Variants in DTNA observed in about 807,000 individuals in gnomAD.
The protein encoded by DTNA is dystrobrevin alpha, also known as dystrophin-related protein 3.
DTNA carries 43 observed loss-of-function variants against 100.7 expected under a neutral mutation model. The ratio of observed to expected loss-of-function variants is 0.43; its 90% CI spans 0.33 to 0.55. The LOEUF is 0.55. Ranked by LOEUF, DTNA falls within the 20% of genes least tolerant of loss-of-function variation. The pLI, the probability that DTNA is intolerant of heterozygous loss-of-function variation, is 0.04. For synonymous variants in DTNA, 349 were observed against 347.9 expected (o/e 1.00, Z -0.04); for missense variants, 798 against 953.9 (o/e 0.84, Z 2.15).
rs6146260 is a variant in DTNA, at chr18:34,761,126, TCACACACACACACA to T, written c.68-4804_68-4791del. On this transcript the variant is annotated intron_variant, in intron 2 of 22. Transcript: ENST00000444659. Reference sequence around the variant, plus strand: ...GTATCTCTCTCTCTCCCTCCATCCTTCACACACACACACACACACACACACACACACACACACAC... The same window carrying T: ...GTATCTCTCTCTCTCCCTCCATCCTTCACACACACACACACACACACACAC... Among the ~76,000 whole-genome samples, 238 of 149,300 alleles carry T rather than the reference TCACACACACACACA, an allele frequency of 1.6e-3. 1 individual carries two copies. The highest frequency in any genetic ancestry group is 5.4e-3 in the African/African-American group (215 of 40,036).
intron 1 of DTNA, among the ~76,000 whole-genome samples, chr18:34,720,130 G>T (rs1170367477): frequency 6.6e-6 from 1 of 152,186 alleles, no homozygotes; most frequent in African/African-American, 2.4e-5. Flanking sequence ...GCATAGTCAT[G>T]AGGGGGTGGA....
At chr18:34,848,093 C>T (rs2096412054) in intron 13 of DTNA, among the ~76,000 whole-genome samples, 1 of 152,164 alleles carries the variant, frequency 6.6e-6, no homozygotes, top group Non-Finnish European at 1.5e-5. Context: ...TGACTGAAGA[C>T]AGGATTTATT....
intron 1 of DTNA, among the ~76,000 whole-genome samples, chr18:34,742,521 T>A (rs914362884): frequency 5.3e-5 from 8 of 151,840 alleles, no homozygotes; most frequent in South Asian, 4.2e-4. Flanking sequence ...CTCAGGTTAA[T>A]CTCTCCATTT....
chr18:34,630,891 T>A (rs187870774), intron 1 of DTNA, among the ~76,000 whole-genome samples: 71 of 152,120 alleles, frequency 4.7e-4, no homozygotes, highest in Admixed American at 6.5e-4. Context: ...ATCATCAGCA[T>A]ATAAATGTTA....
chr18:34,493,639 C>G (rs952347126), intron 1 of DTNA: 2 of 146,018 alleles, frequency 1.4e-5, no homozygotes, highest in African/African-American at 2.5e-5. Flanking sequence ...CCCGGCCGCC[C>G]GGTGCAGAGG....
At chr18:34,681,924 G>C (rs997261640) in intron 1 of DTNA, among the ~76,000 whole-genome samples, 3 of 152,062 alleles carry the variant, frequency 2.0e-5, no homozygotes, top group African/African-American at 7.2e-5. Context: ...ATACAGAATA[G>C]TTTCACTGCC....
intron 1 of DTNA, among the ~76,000 whole-genome samples, chr18:34,733,619 C>T (rs1230050285): frequency 6.6e-6 from 1 of 152,152 alleles, no homozygotes; most frequent in East Asian, 1.9e-4. Context: ...CAGAGAAGAG[C>T]AATTACAGAG....
chr18:34,816,064 GGCCATTA>G (rs762014355), intron 7 of DTNA, 50 bp downstream of exon 7: 84 of 1,551,766 alleles, frequency 5.4e-5, no homozygotes, highest in Non-Finnish European at 6.9e-5. Flanking sequence ...ATTGAAATTA[GGCCATTA>G]GTTCTACAGT....
At chr18:34,524,303 G>A (rs1224676469) in intron 1 of DTNA, among the ~76,000 whole-genome samples, 1 of 152,064 alleles carries the variant, frequency 6.6e-6, no homozygotes, top group Non-Finnish European at 1.5e-5. Context: ...GTACTACTTC[G>A]CATGTGATTA....
intron 17 of DTNA, 34 bp from the exon 18 acceptor site, chr18:34,875,205 G>A: frequency 6.2e-7 from 1 of 1,609,664 alleles, no homozygotes; most frequent in East Asian, 2.2e-5. Flanking sequence ...ATTTTCTTGG[G>A]AAAGCAAATT....
chr18:34,745,157 A>G (rs2091359406), intron 1 of DTNA, among the ~76,000 whole-genome samples: 1 of 152,096 alleles, frequency 6.6e-6, no homozygotes, highest in Admixed American at 6.5e-5. Flanking sequence ...TTCTTCTCCC[A>G]GAAGTCTGAT....
At chr18:34,844,536 G>A (rs1197185944) in intron 13 of DTNA, among the ~76,000 whole-genome samples, 2 of 109,710 alleles carry the variant, frequency 1.8e-5, no homozygotes, top group African/African-American at 3.8e-5. Context: ...ATCTAATAAA[G>A]CAATCTTCCA....
rs1029561422 is a variant in DTNA at position 34,794,082 on chromosome 18, A to T, written c.194A>T (p.Asn65Ile). ...AATGTCATAGAAGCATTGCGGGAAAATGCTCTGAACAACCTGGACCCAAAC... is the reference window on the plus strand; with the variant it reads ...AATGTCATAGAAGCATTGCGGGAAATTGCTCTGAACAACCTGGACCCAAAC... ...IWNVIEALRE[N>I]ALNNLDPNTE... The change falls in exon 4 of 23, where the codon AAT becomes ATT. Residue 65 changes from asparagine to isoleucine, a missense_variant. Around this residue, in one of 6 missense-constraint regions of DTNA, gnomAD observed 197 missense variants for 215.4 expected, o/e 0.91. Transcript: ENST00000444659. The T allele has an allele frequency of 2.5e-6, 4 of 1,613,978 alleles. No individual in the cohort carries two copies. The highest frequency in any genetic ancestry group is 2.7e-5 in the African/African-American group (2 of 74,932).
At chr18:34,584,952 C>G (rs2048982383) in intron 1 of DTNA, among the ~76,000 whole-genome samples, 1 of 152,128 alleles carries the variant, frequency 6.6e-6, no homozygotes, top group Admixed American at 6.5e-5. Context: ...AAAGAAATCC[C>G]TTGAAATTTC....
At chr18:34,768,762 T>C (rs1001971925) in intron 3 of DTNA, among the ~76,000 whole-genome samples, 4 of 152,208 alleles carry the variant, frequency 2.6e-5, no homozygotes, top group Non-Finnish European at 4.4e-5. Context: ...TGCTATGTGT[T>C]TGACATTGTG....
intron 1 of DTNA, among the ~76,000 whole-genome samples, chr18:34,562,881 C>T (rs945245778): frequency 6.6e-5 from 10 of 152,196 alleles, no homozygotes; most frequent in Non-Finnish European, 1.3e-4. Context: ...CCTTAAAGAT[C>T]TTCTCCAAAT....
intron 1 of DTNA, among the ~76,000 whole-genome samples, chr18:34,725,066 C>T (rs1425109211): frequency 6.6e-6 from 1 of 152,122 alleles, no homozygotes; most frequent in Non-Finnish European, 1.5e-5. Context: ...AAACTGGACC[C>T]TTTCTTTACA....
At chr18:34,868,932 A>G in intron 17 of DTNA, 2 of 259,208 alleles carry the variant, frequency 7.7e-6, no homozygotes, top group Non-Finnish European at 1.2e-5. Context: ...TTGCAGTACC[A>G]ATATGTTCCA....
At chr18:34,613,059 C>T (rs1367560677) in intron 1 of DTNA, among the ~76,000 whole-genome samples, 1 of 152,190 alleles carries the variant, frequency 6.6e-6, no homozygotes, top group Non-Finnish European at 1.5e-5. Flanking sequence ...AACATGTGCT[C>T]ACTTCATGTC....
Sources: allele counts gnomAD v4.1 joint callset (sites outside exome capture counted in the v4.1 genomes callset), GRCh38; gene constraint gnomAD v4.1.1; regional missense constraint gnomAD v4.1.1; transcripts MANE v1.5; gene names NCBI Gene and HGNC (gene_info 2026-07-23, HGNC 2026-07-21).